DNAH8: variants seen among roughly 807,000 people sequenced by gnomAD.
The protein encoded by DNAH8 is axonemal beta dynein heavy chain 8.
DNAH8 carries 382 observed loss-of-function variants against 562.1 expected under a neutral mutation model. The ratio of observed to expected loss-of-function variants is 0.68; its 90% CI spans 0.63 to 0.74. The LOEUF (loss-of-function observed/expected upper bound fraction) is 0.74. Ranked by LOEUF, DNAH8 falls within the 30% of genes least tolerant of loss-of-function variation. DNAH8 has a pLI of 0.00. For synonymous variants in DNAH8, 1,881 were observed against 1,919.4 expected, an observed-to-expected ratio of 0.98 and a Z score of 0.52; for missense variants, 5,203 against 5,620.4, an observed-to-expected ratio of 0.93 and a Z score of 2.37.
rs758813159 is a variant in DNAH8 at position 38,872,882 on chromosome 6, A to G, written c.7238-24A>G. 11 of 1,608,812 alleles carry G rather than the reference A, an allele frequency of 6.8e-6. No homozygotes were observed. In the Admixed American group the frequency reaches 8.5e-5, roughly 12 times the overall value. ...TTTAATTACTTGCAAGTGAAAAGTG[A>G]TTTTCTGTTTTAATTATTTTCAGGT... On this transcript the variant is annotated intron_variant, in intron 50 of 92. Transcript: ENST00000327475.
At chr6:38,800,751 G>T (rs2395707) in intron 21 of DNAH8, among the ~76,000 whole-genome samples, 3 of 151,880 alleles carry the variant, frequency 2.0e-5, no homozygotes, top group South Asian at 4.1e-4. Flanking sequence ...CCCTGACCTC[G>T]AATGATCTGC....
In DNAH8 at chr6:38,842,521, A is replaced by AT. The variant is rs1327358310; in HGVS notation, c.4604+22dup. 2 of 1,608,060 alleles carry AT rather than the reference A, an allele frequency of 1.2e-6. No individual in the cohort carries two copies. Among genetic ancestry groups the AT allele is most frequent in the Non-Finnish European group, 1.7e-6 (2 of 1,178,270 alleles). On this transcript the variant is annotated intron_variant, in intron 34 of 92. Coordinates refer to ENST00000327475, the MANE Select transcript of DNAH8 (RefSeq NM_001206927.2). ...TTCAAAACAGGTGAGTTTCAATGGA[A>AT]TTTTTTATAATGCCTGTCTTCTTAG...
In DNAH8 at chr6:38,870,557, G is replaced by T. The variant is rs143397128; in HGVS notation, c.6985G>T (p.Val2329Leu). Residue 2329 changes from valine to leucine, a missense_variant, in exon 49 of 93, where the codon GTG (valine) becomes TTG (leucine). Physicochemically the swap from Val to Leu is conservative, Grantham distance 32 (BLOSUM62 1). Around this residue, in one of 6 missense-constraint regions of DNAH8, gnomAD observed 2,176 missense variants for 2,365.1 expected, o/e 0.92. Coordinates refer to ENST00000327475, the MANE Select transcript of DNAH8 (RefSeq NM_001206927.2). ...CCATCCACCCTGGAACCTGAAACTC[G>T]TGCAGGTAAAGACATTTTAATCTAT... ...INHPPWNLKLVQLYETSLVRH... is the reference protein window; with the variant it reads ...INHPPWNLKLLQLYETSLVRH... 520 of 1,613,230 alleles carry T rather than the reference G, an allele frequency of 3.2e-4. 1 individual carries two copies. The highest frequency in any genetic ancestry group is 4.2e-4 in the Non-Finnish European group (497 of 1,179,618).
chr6:38,791,521 G>T (rs1159351664), intron 20 of DNAH8, 34 bp from the exon 21 acceptor site: 2 of 1,586,772 alleles, frequency 1.3e-6, no homozygotes, highest in African/African-American at 1.4e-5. Context: ...AAGGAAAGAA[G>T]AGTTTTTTTT....
rs758445802 is a variant in DNAH8 at position 38,896,234 on chromosome 6, T to C, written c.8940+9T>C. Reference sequence around the variant, plus strand: ...CCAAAATATATGAATTGGTATTTATTTTCATCTCTTAAAAGAGGTTTTCAG... The same window carrying C: ...CCAAAATATATGAATTGGTATTTATCTTCATCTCTTAAAAGAGGTTTTCAG... On this transcript the variant is annotated intron_variant, in intron 60 of 92. Coordinates refer to ENST00000327475, the MANE Select transcript of DNAH8 (RefSeq NM_001206927.2). 5.6e-6 allele frequency: 9 copies of C among 1,608,874 alleles called. No homozygotes were observed. The highest frequency in any genetic ancestry group is 7.7e-6 in the Non-Finnish European group (9 of 1,176,044).
intron 88 of DNAH8, among the ~76,000 whole-genome samples, chr6:39,005,740 G>A (rs1345303329): frequency 1.3e-5 from 2 of 152,162 alleles, no homozygotes; most frequent in African/African-American, 4.8e-5. Context: ...TTTTATCCTA[G>A]CAATTAGAAG....
At chr6:38,984,392 C>G (rs771673631) in intron 87 of DNAH8, 85 bp downstream of exon 87, 4 of 807,698 alleles carry the variant, frequency 5.0e-6, no homozygotes, top group Non-Finnish European at 6.5e-6. Context: ...CTGCCAAACT[C>G]AAGCATACAG....
chr6:38,767,984 G>C (rs1460207237), intron 11 of DNAH8, among the ~76,000 whole-genome samples: 1 of 152,092 alleles, frequency 6.6e-6, no homozygotes, highest in Non-Finnish European at 1.5e-5. Flanking sequence ...ATTTTGATAA[G>C]AGCCATTCTA....
chr6:38,996,839 G>C (rs532536197), intron 88 of DNAH8, among the ~76,000 whole-genome samples: 2 of 152,286 alleles, frequency 1.3e-5, no homozygotes, highest in South Asian at 4.1e-4. Context: ...GCTTTGTCCA[G>C]AAGCCCACAT....
chr6:38,959,905 G>T (rs1762498725), intron 82 of DNAH8, among the ~76,000 whole-genome samples: 1 of 151,958 alleles, frequency 6.6e-6, no homozygotes, highest in African/African-American at 2.4e-5. Context: ...GATGGTAGTG[G>T]CATAAAACCA....
In DNAH8 at chr6:38,951,471, A is replaced by T. The variant is rs1466846354; in HGVS notation, c.12402A>T (p.Gly4134=). The change falls in exon 82 of 93, where the codon GGA becomes GGT. Residue 4134 remains glycine, a synonymous_variant. Coordinates refer to ENST00000327475, the MANE Select transcript of DNAH8 (RefSeq NM_001206927.2). ...RTPLICFLSM[G]SDPTNQIDAL... ...CTCTGATATGCTTCCTGTCCATGGG[A>T]TCTGACCCCACCAATCAAATTGATG... is the stretch of plus-strand genomic sequence containing the variant. The T allele has an allele frequency of 1.2e-6, 2 of 1,614,052 alleles. No individual in the cohort carries two copies. Among genetic ancestry groups the T allele is most frequent in the African/African-American group, 2.7e-5 (2 of 74,912 alleles).
chr6:38,812,291 A>T (rs1771865646), intron 24 of DNAH8, among the ~76,000 whole-genome samples: 1 of 152,114 alleles, frequency 6.6e-6, no homozygotes, highest in African/African-American at 2.4e-5. Context: ...GAGCATTCTC[A>T]TGTCCTTTAT....
chr6:38,976,896 C>A (rs1170055322), intron 85 of DNAH8, among the ~76,000 whole-genome samples: 1 of 152,186 alleles, frequency 6.6e-6, no homozygotes, highest in Admixed American at 6.5e-5. Flanking sequence ...GGATCTGAAG[C>A]TCCAGAGGGG....
intron 31 of DNAH8, among the ~76,000 whole-genome samples, chr6:38,833,749 A>G (rs996281823): frequency 1.3e-5 from 2 of 152,194 alleles, no homozygotes; most frequent in Non-Finnish European, 2.9e-5. Flanking sequence ...AACCAAGTCT[A>G]GTTGGGAGTT....
chr6:38,765,801 A>G (rs937138167), intron 11 of DNAH8, among the ~76,000 whole-genome samples: 3 of 152,210 alleles, frequency 2.0e-5, no homozygotes, highest in African/African-American at 7.2e-5. Context: ...CACTTGTTAG[A>G]ATGCCTACTA....
chr6:38,868,228 A>G (rs779866561), intron 48 of DNAH8, 32 bp downstream of exon 48: 5 of 1,580,824 alleles, frequency 3.2e-6, no homozygotes, highest in Non-Finnish European at 4.3e-6. Flanking sequence ...CTTTTCCACA[A>G]TTTTAATATT....
chr6:38,722,846 G>A lies in DNAH8; in HGVS notation c.37G>A (p.Gly13Arg), dbSNP rs777885822. The A allele has an allele frequency of 6.2e-6, 10 of 1,605,660 alleles. No individual in the cohort carries two copies. Among genetic ancestry groups the A allele is most frequent in the Non-Finnish European group, 7.7e-6 (9 of 1,176,168 alleles). The change falls in exon 2 of 93, where the codon GGA becomes AGA. Residue 13 changes from glycine (G) to arginine (R), a missense_variant. Gly to Arg is a moderately radical substitution (Grantham distance 125). Coordinates refer to ENST00000327475, the MANE Select transcript of DNAH8 (RefSeq NM_001206927.2). ...KDAEDGAPSE[G>R]AEAPPSTEEA... Reference sequence around the variant, plus strand: ...TGCTGAAGATGGCGCCCCTTCTGAGGGAGCAGAGGCTCCTCCCTCTACGGA... The same window carrying A: ...TGCTGAAGATGGCGCCCCTTCTGAGAGAGCAGAGGCTCCTCCCTCTACGGA...
intron 82 of DNAH8, among the ~76,000 whole-genome samples, chr6:38,962,281 T>C (rs1762657169): frequency 6.6e-6 from 1 of 152,030 alleles, no homozygotes; most frequent in South Asian, 2.1e-4. Flanking sequence ...TCTAGTTGGA[T>C]AGTAGAGGGA....
Position 38,786,958 on chromosome 6 carries a change from A to G in DNAH8, c.2583+6A>G, listed in dbSNP as rs1769216498. The stretch of plus-strand genomic sequence containing the variant: ...CAGACAAACTGTATTTGCAGGTAAG[A>G]TAGATTATGTTTTCTAATTATTTTT... On this transcript the variant is annotated splice_donor_region_variant and intron_variant, in intron 18 of 92. Coordinates refer to ENST00000327475, the MANE Select transcript of DNAH8 (RefSeq NM_001206927.2). 4 of 1,572,786 alleles carry G rather than the reference A, an allele frequency of 2.5e-6. No homozygotes were observed. The highest frequency in any genetic ancestry group is 1.2e-5 in the South Asian group (1 of 84,446).
Sources: allele counts gnomAD v4.1 joint callset (sites outside exome capture counted in the v4.1 genomes callset), GRCh38; gene constraint gnomAD v4.1.1; regional missense constraint gnomAD v4.1.1; transcripts MANE v1.5; gene names NCBI Gene and HGNC (gene_info 2026-07-23, HGNC 2026-07-21).